Variants in PRRX1 observed in about 807,000 individuals in gnomAD.
PRRX1 encodes the protein paired mesoderm homeobox protein 1.
A neutral mutation model predicts 24.0 loss-of-function variants in PRRX1; 8 were observed. That is an observed-to-expected ratio of 0.33 (90% CI 0.20 to 0.60). PRRX1 has a LOEUF of 0.60. PRRX1 is among the 20% of genes least tolerant of loss of function. PRRX1 has a pLI of 0.82. For missense variants in PRRX1, 281 were observed against 322.4 expected, an observed-to-expected ratio of 0.87 and a Z score of 0.98; for synonymous variants, 160 against 131.7, an observed-to-expected ratio of 1.22 and a Z score of -1.47.
upstream of PRRX1, chr1:170,663,914 A>C: frequency 2.8e-6 from 1 of 352,946 alleles, no homozygotes; most frequent in Non-Finnish European, 5.1e-6. Flanking sequence ...ACTTTTTAAT[A>C]TTGTATTTTA....
intron 1 of PRRX1, among the ~76,000 whole-genome samples, chr1:170,681,510 C>T (rs576045804): frequency 1.4e-5 from 2 of 146,968 alleles, no homozygotes; most frequent in East Asian, 3.9e-4. Flanking sequence ...AAAAAACCCT[C>T]TTAATAGCAC....
intron 3 of PRRX1, among the ~76,000 whole-genome samples, chr1:170,731,091 T>C (rs1048375876): frequency 6.6e-6 from 1 of 152,128 alleles, no homozygotes. Context: ...AAAACAGAAG[T>C]TAGAAATAGA....
chr1:170,697,819 T>G (rs1654223970), intron 1 of PRRX1, among the ~76,000 whole-genome samples: 1 of 147,676 alleles, frequency 6.8e-6, no homozygotes, highest in African/African-American at 2.5e-5. Context: ...TGTAGAAATA[T>G]ATCTCTGTAT....
intron 1 of PRRX1, among the ~76,000 whole-genome samples, chr1:170,711,510 T>C (rs1385230411): frequency 6.6e-6 from 1 of 152,246 alleles, no homozygotes; most frequent in Non-Finnish European, 1.5e-5. Context: ...ATCTCCTTCA[T>C]TCCTGTCTGC....
In PRRX1 at chr1:170,692,757, A is replaced by ACC. The variant is rs1193788030; in HGVS notation, c.242-26968_242-26967insCC. 8.6e-5 allele frequency among the ~76,000 whole-genome samples: 13 copies of ACC among 151,866 alleles called. No individual in the cohort carries two copies. The East Asian group carries it at 2.5e-3, about 29-fold the overall frequency. ...CTCTCTCTCTCACACACACACACAC[A>ACC]CACACAGACACACGTGCACACGCAC... On this transcript the variant is annotated intron_variant, in intron 1 of 3. Coordinates refer to ENST00000239461, the MANE Select transcript of PRRX1 (RefSeq NM_022716.4).
intron 1 of PRRX1, among the ~76,000 whole-genome samples, chr1:170,674,827 A>G (rs1029518404): frequency 6.6e-6 from 1 of 152,120 alleles, no homozygotes; most frequent in Non-Finnish European, 1.5e-5. Context: ...ATTATTGTAC[A>G]TTTCAAAATT....
At chr1:170,698,168 T>A (rs1654235404) in intron 1 of PRRX1, among the ~76,000 whole-genome samples, 1 of 152,092 alleles carries the variant, frequency 6.6e-6, no homozygotes, top group Non-Finnish European at 1.5e-5. Context: ...AGAAAAATAA[T>A]CATCTGTAAG....
rs1162431477 is a variant in PRRX1 at position 170,704,888 on chromosome 1, G to T, written c.242-14838G>T. Among the ~76,000 whole-genome samples, 9 of 152,300 alleles carry T rather than the reference G, an allele frequency of 5.9e-5. No individual in the cohort carries two copies. In the East Asian group the frequency reaches 1.7e-3, roughly 29 times the overall value. ...CAAACTAACAGGCCTAGATTCTGTTGTTACTGGATGCTTTGTGCCATTATT... is the reference window on the plus strand; with the variant it reads ...CAAACTAACAGGCCTAGATTCTGTTTTTACTGGATGCTTTGTGCCATTATT... On this transcript the variant is annotated intron_variant, in intron 1 of 3. Transcript: ENST00000239461.
chr1:170,693,845 G>A (rs369671291), intron 1 of PRRX1, among the ~76,000 whole-genome samples: 19 of 152,008 alleles, frequency 1.2e-4, no homozygotes, highest in East Asian at 1.2e-3. Context: ...GAGATGTAGC[G>A]GCAAGGCAAT....
In PRRX1 at chr1:170,689,386, C is replaced by A. The variant is rs185071023; in HGVS notation, c.241+24927C>A. ...CAGGCTAAATGATATCATAGTCTGACAATTTTGAATTTACTTAATGCAAAT... is the reference window on the plus strand; with the variant it reads ...CAGGCTAAATGATATCATAGTCTGAAAATTTTGAATTTACTTAATGCAAAT... On this transcript the variant is annotated intron_variant, in intron 1 of 3. Coordinates refer to ENST00000239461, the MANE Select transcript of PRRX1 (RefSeq NM_022716.4). Among the ~76,000 whole-genome samples, 174 of 152,126 alleles carry A rather than the reference C, an allele frequency of 1.1e-3. 2 individuals are homozygous for A. Among genetic ancestry groups the A allele is most frequent in the Admixed American group, 6.9e-3 (106 of 15,262 alleles).
intron 3 of PRRX1, among the ~76,000 whole-genome samples, chr1:170,733,725 T>G (rs1378351786): frequency 1.3e-5 from 2 of 152,164 alleles, no homozygotes; most frequent in Non-Finnish European, 2.9e-5. Flanking sequence ...ATCTATGACT[T>G]AGGTACATTT....
At chr1:170,718,048 G>T (rs6662199) in intron 1 of PRRX1, among the ~76,000 whole-genome samples, 152,335 of 152,336 alleles carry the variant, frequency 1, 76,167 homozygotes, top group Non-Finnish European at 1. Flanking sequence ...AAGAGAAGGT[G>T]GACTGTACAA....
At chr1:170,730,406 C>A (rs1655399771) in intron 3 of PRRX1, 1 of 1,446,350 alleles carries the variant, frequency 6.9e-7, no homozygotes, top group Non-Finnish European at 9.7e-7. Context: ...AGTGGGAATT[C>A]AGAGTGTTTA....
chr1:170,730,637 G>A (rs1427019484), intron 3 of PRRX1: 1 of 353,220 alleles, frequency 2.8e-6, no homozygotes, highest in African/African-American at 2.1e-5. Context: ...AGCTTGGATT[G>A]TGTATCTCTA....
chr1:170,690,205 A>G (rs949926351), intron 1 of PRRX1, among the ~76,000 whole-genome samples: 3 of 151,894 alleles, frequency 2.0e-5, no homozygotes, highest in Non-Finnish European at 2.9e-5. Context: ...TGCATCAGAT[A>G]AGGTCTGGTC....
chr1:170,716,476 C>T (rs1280920746), intron 1 of PRRX1, among the ~76,000 whole-genome samples: 3 of 151,352 alleles, frequency 2.0e-5, no homozygotes, highest in African/African-American at 2.4e-5. Context: ...CCCAGCTACT[C>T]GGGAGGCTGA....
chr1:170,709,704 T>G (rs1275971242), intron 1 of PRRX1, among the ~76,000 whole-genome samples: 4 of 152,232 alleles, frequency 2.6e-5, no homozygotes, highest in Admixed American at 6.5e-5. Context: ...GAGCATCTCA[T>G]CGCTTGGCAT....
chr1:170,696,670 T>C (rs2101901677), intron 1 of PRRX1, among the ~76,000 whole-genome samples: 1 of 152,356 alleles, frequency 6.6e-6, no homozygotes, highest in South Asian at 2.1e-4. Context: ...GGGCTTACAC[T>C]AAGAGTCTTT....
rs540678692 is a variant in PRRX1 at position 170,665,131 on chromosome 1, G to T, written c.241+672G>T. 2.2e-4 allele frequency among the ~76,000 whole-genome samples: 33 copies of T among 152,358 alleles called. No individual in the cohort carries two copies. The South Asian group carries it at 6.8e-3, about 32-fold the overall frequency. Reference sequence around the variant, plus strand: ...GCCCGGCTGGCTTGGGAAAACTCGGGCCAAGCAAAGGGAATGTCCTTTAAG... The same window carrying T: ...GCCCGGCTGGCTTGGGAAAACTCGGTCCAAGCAAAGGGAATGTCCTTTAAG... On this transcript the variant is annotated intron_variant, in intron 1 of 3. Coordinates refer to ENST00000239461, the MANE Select transcript of PRRX1 (RefSeq NM_022716.4).
Sources: allele counts gnomAD v4.1 joint callset (sites outside exome capture counted in the v4.1 genomes callset), GRCh38; gene constraint gnomAD v4.1.1; transcripts MANE v1.5; gene names NCBI Gene and HGNC (gene_info 2026-07-23, HGNC 2026-07-21).